TEF: variants seen among roughly 807,000 people sequenced by gnomAD.
TEF encodes TEF transcription factor, PAR bZIP family member.
A neutral mutation model predicts 20.8 loss-of-function variants in TEF; 3 were observed. That is an observed-to-expected ratio of 0.14 (90% confidence interval 0.07 to 0.37). TEF has a LOEUF of 0.37. Ranked by LOEUF, TEF falls within the 10% of genes least tolerant of loss-of-function variation. The probability of loss-of-function intolerance (pLI) is 1.00; values close to 1 mark genes in which losing one functional copy is unlikely to be tolerated. For synonymous variants in TEF, 180 were observed against 171.1 expected, an observed-to-expected ratio of 1.05 and a Z score of -0.41; for missense variants, 296 against 397.9, an observed-to-expected ratio of 0.74 and a Z score of 2.18.
chr22:41,382,407 G>A (rs146273109), intron 1 of TEF, among the ~76,000 whole-genome samples: 2,234 of 152,088 alleles, frequency 0.015, 63 homozygotes, highest in African/African-American at 0.051. Context: ...TGGGTCTGGC[G>A]GGAGAGGGTG....
In TEF at chr22:41,396,019, C is replaced by T. The variant is rs965473641; in HGVS notation, c.*59C>T. On this transcript the variant is annotated 3_prime_UTR_variant, in exon 4 of 4. Coordinates refer to ENST00000266304, the MANE Select transcript of TEF (RefSeq NM_003216.4). ...CACCTCAGACCTCTGCCTGGGGGCT[C>T]CCTGTAACCCCTCACACGCGTGGAG... The T allele has an allele frequency of 1.9e-6, 3 of 1,543,976 alleles. No individual in the cohort carries two copies. The highest frequency in any genetic ancestry group is 2.7e-6 in the Non-Finnish European group (3 of 1,131,144).
intron 1 of TEF, among the ~76,000 whole-genome samples, chr22:41,374,572 C>T (rs920281039): frequency 2.0e-4 from 31 of 151,248 alleles, no homozygotes; most frequent in African/African-American, 6.8e-4. Flanking sequence ...AAAAATTAGC[C>T]AGGCAAGGCA....
chr22:41,397,042 C>G lies in TEF; in HGVS notation c.*1082C>G, dbSNP rs1301828997. 9 of 398,838 alleles carry G rather than the reference C, an allele frequency of 2.3e-5. No homozygotes were observed. The allele number at this position is 398,838 out of a possible 1,614,324, so 24.7% of individuals were successfully genotyped here. On this transcript the variant is annotated 3_prime_UTR_variant, in exon 4 of 4. Coordinates refer to ENST00000266304, the MANE Select transcript of TEF (RefSeq NM_003216.4). ...TGGAGTGCACTCTCCCTGGGGGCAG[C>G]TGGGGCCTCGCAATTCTTGCTTCAG...
In TEF at chr22:41,387,250, G is replaced by A. The variant is rs569886454; in HGVS notation, c.158-101G>A. The A allele has an allele frequency of 1.9e-5, 25 of 1,284,254 alleles. 1 individual carries two copies. In the Admixed American group the frequency reaches 2.3e-4, roughly 12 times the overall value. 79.6% of individuals were successfully genotyped at this position (1,284,254 alleles called of 1,614,324 possible). A position where few individuals can be genotyped will look rare whatever the true frequency, so the allele number is the denominator to read the frequency against. On this transcript the variant is annotated intron_variant, in intron 1 of 3. Coordinates refer to ENST00000266304, the MANE Select transcript of TEF (RefSeq NM_003216.4). ...TTGAAATGCATGGGTTGGAATCGGG[G>A]CTCTGAGAAAGATGGGCCAGGCCTG...
At chr22:41,393,218 G>A (rs954578103) in intron 2 of TEF, among the ~76,000 whole-genome samples, 23 of 151,724 alleles carry the variant, frequency 1.5e-4, no homozygotes, top group African/African-American at 5.6e-4. Context: ...GTGTGCATCC[G>A]CGGTCCCAGC....
chr22:41,381,881 C>A, upstream of TEF: 4 of 1,225,250 alleles, frequency 3.3e-6, no homozygotes, highest in Admixed American at 4.3e-5. Flanking sequence ...ATTAATGTGC[C>A]AGAGCCGGTC....
chr22:41,386,893 A>G (rs1426704892), intron 1 of TEF, among the ~76,000 whole-genome samples: 2 of 151,832 alleles, frequency 1.3e-5, no homozygotes, highest in Non-Finnish European at 2.9e-5. Context: ...AAAATACAAA[A>G]AATAGCTGGG....
intron 3 of TEF, 118 bp from the exon 4 acceptor site, chr22:41,395,627 T>C: frequency 1.0e-6 from 1 of 996,750 alleles, no homozygotes; most frequent in Non-Finnish European, 1.5e-6. Flanking sequence ...CTCCCTGGTA[T>C]CCCTGCTTTA....
At chr22:41,381,588 G>T (rs548959739), upstream of TEF, among the ~76,000 whole-genome samples, 80 of 152,322 alleles carry the variant, frequency 5.3e-4, no homozygotes, top group African/African-American at 1.9e-3. Context: ...TGCGGTGGTT[G>T]GGGAGGGCGG....
chr22:41,399,074 T>C lies in TEF; in HGVS notation c.*3114T>C, dbSNP rs890269169. The C allele has an allele frequency of 1.4e-4, 21 of 152,432 alleles. No homozygotes were observed. The highest frequency in any genetic ancestry group is 5.1e-4 in the African/African-American group (21 of 41,348). 9.4% of individuals were successfully genotyped at this position (152,432 alleles called of 1,614,324 possible). A position where few individuals can be genotyped will look rare whatever the true frequency, so the allele number is the denominator to read the frequency against. ...TCTAAGTGCATGTGATGTGATAGAGTGTGTGGGGCTCTGTGTCCTTCCCTG... is the reference window on the plus strand; with the variant it reads ...TCTAAGTGCATGTGATGTGATAGAGCGTGTGGGGCTCTGTGTCCTTCCCTG... On this transcript the variant is annotated 3_prime_UTR_variant, in exon 4 of 4. Transcript: ENST00000266304.
intron 1 of TEF, among the ~76,000 whole-genome samples, chr22:41,372,263 G>T (rs2036891304): frequency 6.6e-6 from 1 of 151,620 alleles, no homozygotes; most frequent in South Asian, 2.1e-4. Flanking sequence ...TTCTCTACCT[G>T]CCCCCCACCC....
At chr22:41,379,871 C>A (rs1203921668), upstream of TEF, among the ~76,000 whole-genome samples, 10 of 119,534 alleles carry the variant, frequency 8.4e-5, no homozygotes, top group South Asian at 2.6e-4. Flanking sequence ...CCAGCCTGGG[C>A]AACAACAGCA....
At chr22:41,384,117 TTGGTC>T (rs1261210508) in intron 1 of TEF, among the ~76,000 whole-genome samples, 1 of 152,218 alleles carries the variant, frequency 6.6e-6, no homozygotes, top group Non-Finnish European at 1.5e-5. Flanking sequence ...AAGCTGCTAT[TTGGTC>T]TGGGAGTCCA....
intron 2 of TEF, among the ~76,000 whole-genome samples, chr22:41,392,039 A>G (rs143208461): frequency 5.9e-5 from 9 of 152,356 alleles, no homozygotes; most frequent in African/African-American, 2.2e-4. Context: ...TGTCTTTGCC[A>G]GGACAGAACC....
chr22:41,368,484 G>A (rs867166194), intron 1 of TEF, among the ~76,000 whole-genome samples: 8 of 152,132 alleles, frequency 5.3e-5, no homozygotes, highest in South Asian at 4.2e-4. Context: ...GGTTGTCCCC[G>A]CAGGACTCCT....
At chr22:41,394,918 G>A (rs1048211548) in intron 3 of TEF, among the ~76,000 whole-genome samples, 11 of 152,194 alleles carry the variant, frequency 7.2e-5, no homozygotes, top group African/African-American at 2.4e-4. Context: ...GGGGAGGTTT[G>A]TGAGACTTTA....
At chr22:41,378,313 C>T (rs12172246), upstream of TEF, among the ~76,000 whole-genome samples, 201 of 148,234 alleles carry the variant, frequency 1.4e-3, 1 homozygote, top group Admixed American at 2.6e-3. Flanking sequence ...GGATTACAGG[C>T]ACTCGCCACC....
chr22:41,376,962 C>T (rs949002803), upstream of TEF, among the ~76,000 whole-genome samples: 13 of 152,168 alleles, frequency 8.5e-5, no homozygotes. Flanking sequence ...GCCCCAGGAC[C>T]CATGCTTCCC....
chr22:41,368,997 A>G (rs980063360), intron 1 of TEF: 5 of 940,472 alleles, frequency 5.3e-6, no homozygotes, highest in Non-Finnish European at 2.5e-6. Context: ...ACATTTCCAA[A>G]AGCTAAGGTA....
Sources: gnomAD v4.1 joint callset for allele counts (sites outside exome capture counted in the v4.1 genomes callset) on GRCh38, gnomAD v4.1.1 for gene constraint, MANE v1.5 for transcripts, NCBI Gene and HGNC (gene_info 2026-07-23, HGNC 2026-07-21) for gene names.